Variants in CLINT1 observed in about 807,000 individuals in gnomAD.
CLINT1 encodes clathrin interactor 1, also known as clathrin interacting protein localized in the trans-Golgi region.
Under a neutral mutation model 70.4 loss-of-function variants are expected in CLINT1, and 15 were observed. That is an observed-to-expected ratio of 0.21 (90% CI 0.14 to 0.33). The LOEUF is 0.33. Among genes scored for constraint, CLINT1 ranks in the 10% least tolerant of loss-of-function variants. The pLI is 1.00. For synonymous variants in CLINT1, 227 were observed against 254.7 expected, an observed-to-expected ratio of 0.89 and a Z score of 1.04; for missense variants, 615 against 778.1, an observed-to-expected ratio of 0.79 and a Z score of 2.49.
At chr5:157,850,887 T>C (rs1211451110) in intron 1 of CLINT1, among the ~76,000 whole-genome samples, 1 of 152,110 alleles carries the variant, frequency 6.6e-6, no homozygotes, top group Non-Finnish European at 1.5e-5. Flanking sequence ...TTTCAACTCC[T>C]GGGTTCAAGT....
At chr5:157,816,636 G>A in intron 3 of CLINT1, 98 bp downstream of exon 3, 3 of 743,972 alleles carry the variant, frequency 4.0e-6, no homozygotes, top group Non-Finnish European at 6.7e-6. Context: ...TCTATTCTAG[G>A]ATTTAATATA....
At chr5:157,848,036 G>A (rs936533096) in intron 1 of CLINT1, among the ~76,000 whole-genome samples, 10 of 152,028 alleles carry the variant, frequency 6.6e-5, no homozygotes, top group African/African-American at 1.9e-4. Context: ...TCAACTCCTG[G>A]GCTCAAGTGA....
At chr5:157,806,187 A>G (rs148871323) in intron 6 of CLINT1, 75 bp from the exon 7 acceptor site, 2 of 1,443,944 alleles carry the variant, frequency 1.4e-6, no homozygotes, top group Non-Finnish European at 9.3e-7. Context: ...GATTTGAGCT[A>G]AAGAATTTCA....
chr5:157,799,250 G>T (rs1762146455), intron 8 of CLINT1, among the ~76,000 whole-genome samples: 1 of 152,074 alleles, frequency 6.6e-6, no homozygotes, highest in Admixed American at 6.5e-5. Flanking sequence ...AGTAAACTTA[G>T]TTTAAAACTG....
Position 157,791,816 on chromosome 5 carries a change from G to T in CLINT1, c.1267C>A (p.Leu423Met). The T allele has an allele frequency of 1.2e-6, 2 of 1,613,960 alleles. No individual in the cohort carries two copies. The highest frequency in any genetic ancestry group is 1.7e-6 in the Non-Finnish European group (2 of 1,179,868). ...TGGGACGAGCCCATAAGATCAAACAGGTCTGAAGAATTTGAGGCAGCAGGA... is the reference window on the plus strand; with the variant it reads ...TGGGACGAGCCCATAAGATCAAACATGTCTGAAGAATTTGAGGCAGCAGGA... The part of the protein sequence containing the change: ...PPPAASNSSD[L>M]FDLMGSSQAT... The change falls in exon 10 of 12, where the codon CTG (leucine) becomes ATG (methionine). Residue 423 changes from leucine (L) to methionine (M), a missense_variant. Coordinates refer to ENST00000411809, the MANE Select transcript of CLINT1 (RefSeq NM_014666.4).
intron 1 of CLINT1, among the ~76,000 whole-genome samples, chr5:157,838,284 A>G (rs1763503951): frequency 1.3e-5 from 2 of 151,886 alleles, no homozygotes; most frequent in Non-Finnish European, 2.9e-5. Context: ...CACCACGCCC[A>G]GCTAATTTTT....
intron 3 of CLINT1, among the ~76,000 whole-genome samples, chr5:157,814,731 T>C (rs1315168596): frequency 6.6e-6 from 1 of 152,140 alleles, no homozygotes; most frequent in Non-Finnish European, 1.5e-5. Flanking sequence ...TTATGTGGCT[T>C]TTGTTTTAAA....
chr5:157,794,909 A>T lies in CLINT1; in HGVS notation c.1076T>A (p.Phe359Tyr). ...AAATTGAATCATACCTTGGGAAGGG[A>T]AACTGCCTGATGCAGCAGCTGAGCC... is the stretch of plus-strand genomic sequence containing the variant. ...DFGSAAASGS[F>Y]PSQVTATSGN... The change falls in exon 9 of 12, where the codon TTC becomes TAC. Residue 359 changes from phenylalanine to tyrosine, a missense_variant. By Grantham distance (22) the Phe-to-Tyr change is conservative (BLOSUM62 3). Around this residue, in one of 2 missense-constraint regions of CLINT1, gnomAD observed 374 missense variants for 409.6 expected, o/e 0.91. Transcript: ENST00000411809. 6.4e-7 allele frequency: 1 copy of T among 1,558,426 alleles called. No homozygotes were observed. The highest frequency in any genetic ancestry group is 8.7e-7 in the Non-Finnish European group (1 of 1,150,458).
intron 11 of CLINT1, 40 bp downstream of exon 11, chr5:157,789,323 G>C (rs376261549): frequency 1.9e-6 from 3 of 1,558,396 alleles, no homozygotes; most frequent in Non-Finnish European, 2.7e-6. Flanking sequence ...GCAAAAGACT[G>C]CAAGTACACA....
intron 3 of CLINT1, among the ~76,000 whole-genome samples, chr5:157,815,133 A>ACACACT (rs1762680352): frequency 6.6e-6 from 1 of 151,552 alleles, no homozygotes; most frequent in African/African-American, 2.4e-5. Flanking sequence ...ACACACACAC[A>ACACACT]CACACACACA....
chr5:157,810,672 T>C (rs762377913), intron 5 of CLINT1, among the ~76,000 whole-genome samples: 7 of 152,158 alleles, frequency 4.6e-5, no homozygotes, highest in Non-Finnish European at 1.0e-4. Context: ...TCCATTTCCA[T>C]GTCCAAATCC....
At chr5:157,822,743 A>C (rs1762915360) in intron 1 of CLINT1, among the ~76,000 whole-genome samples, 1 of 152,242 alleles carries the variant, frequency 6.6e-6, no homozygotes, top group Non-Finnish European at 1.5e-5. Flanking sequence ...ATTGATTAAA[A>C]GCTAAAATGA....
intron 6 of CLINT1, among the ~76,000 whole-genome samples, chr5:157,807,388 TTA>T (rs1173771366): frequency 6.6e-6 from 1 of 152,116 alleles, no homozygotes; most frequent in Non-Finnish European, 1.5e-5. Context: ...GTGTCCAATT[TTA>T]TTTCAGCGCA....
chr5:157,816,445 C>T (rs1762724186), intron 3 of CLINT1, among the ~76,000 whole-genome samples: 1 of 152,116 alleles, frequency 6.6e-6, no homozygotes, highest in South Asian at 2.1e-4. Flanking sequence ...TAAACATGCA[C>T]ACTACTCTAC....
At chr5:157,793,227 T>C (rs1761971493) in intron 9 of CLINT1, among the ~76,000 whole-genome samples, 1 of 151,996 alleles carries the variant, frequency 6.6e-6, no homozygotes, top group African/African-American at 2.4e-5. Flanking sequence ...TTTTTTTTTT[T>C]TAAGTGACTG....
intron 8 of CLINT1, among the ~76,000 whole-genome samples, chr5:157,799,847 G>T (rs1383567489): frequency 6.6e-6 from 1 of 151,996 alleles, no homozygotes; most frequent in Non-Finnish European, 1.5e-5. Context: ...CTTCAAATCT[G>T]TACATCATGT....
intron 1 of CLINT1, among the ~76,000 whole-genome samples, chr5:157,821,783 T>C (rs189354090): frequency 1.0e-3 from 152 of 152,246 alleles, no homozygotes; most frequent in African/African-American, 3.4e-3. Flanking sequence ...CGGACTCTAA[T>C]ATTAGGCCAA....
At chr5:157,816,332 T>A (rs548721353) in intron 3 of CLINT1, among the ~76,000 whole-genome samples, 165 of 152,280 alleles carry the variant, frequency 1.1e-3, no homozygotes, top group African/African-American at 3.7e-3. Context: ...TTTGAACATT[T>A]TGGATACAAA....
At chr5:157,822,980 A>T (rs1023479005) in intron 1 of CLINT1, among the ~76,000 whole-genome samples, 5 of 152,210 alleles carry the variant, frequency 3.3e-5, no homozygotes, top group African/African-American at 1.2e-4. Flanking sequence ...AAACAGATTG[A>T]GAAGTATTTT....
Sources: gnomAD v4.1 joint callset for allele counts (sites outside exome capture counted in the v4.1 genomes callset) on GRCh38, gnomAD v4.1.1 for gene constraint, gnomAD v4.1.1 regional missense constraint, MANE v1.5 for transcripts, NCBI Gene and HGNC (gene_info 2026-07-23, HGNC 2026-07-21) for gene names.